MRPS27: variants seen among roughly 807,000 people sequenced by gnomAD.
MRPS27 encodes small ribosomal subunit protein mS27.
Under a neutral mutation model 48.9 loss-of-function variants are expected in MRPS27, and 43 were observed. The ratio of observed to expected loss-of-function variants is 0.88; its 90% confidence interval spans 0.69 to 1.13. The LOEUF (loss-of-function observed/expected upper bound fraction) is 1.13, where lower values mean the gene tolerates loss of function less well. Ranked by LOEUF, MRPS27 falls within the 50% of genes most tolerant of loss-of-function variation. MRPS27 has a pLI of 0.00. For synonymous variants in MRPS27, 188 were observed against 171.9 expected (o/e 1.09, Z -0.73); for missense variants, 467 against 476.3 (o/e 0.98, Z 0.18).
chr5:72,236,631 T>C (rs1436541466), intron 5 of MRPS27, among the ~76,000 whole-genome samples: 2 of 152,144 alleles, frequency 1.3e-5, no homozygotes, highest in Non-Finnish European at 2.9e-5. Flanking sequence ...TTGATTGGAC[T>C]TATCCAGGGA....
chr5:72,292,787 AAG>A (rs1267263661), intron 4 of MRPS27, among the ~76,000 whole-genome samples: 1 of 152,238 alleles, frequency 6.6e-6, no homozygotes, highest in Non-Finnish European at 1.5e-5. Flanking sequence ...ATGTCAGAGA[AAG>A]AGGTGAACCA....
In MRPS27 at chr5:72,228,268, A is replaced by G. The variant is rs745760006; in HGVS notation, c.692T>C (p.Leu231Pro). 25 of 1,609,120 alleles carry G rather than the reference A, an allele frequency of 1.6e-5. No individual in the cohort carries two copies. Among genetic ancestry groups the G allele is most frequent in the Non-Finnish European group, 2.1e-5 (25 of 1,175,524 alleles). The part of the protein sequence containing the change: ...FSSQLYGYAL[L>P]GKVELQQGLR... ...TTTGTAAGGATCATTTAGCTTACCA[A>G]GAAGTGCATAGCCATACAACTGGGA... Residue 231 changes from leucine to proline, a missense_variant and splice_region_variant, in exon 8 of 11, where the codon CTT (leucine) becomes CCT (proline). By Grantham distance (98) the Leu-to-Pro change is moderately conservative. Coordinates refer to ENST00000261413, the MANE Select transcript of MRPS27 (RefSeq NM_015084.3).
intron 3 of MRPS27, among the ~76,000 whole-genome samples, chr5:72,296,760 T>C (rs1561359413): frequency 6.6e-6 from 1 of 152,248 alleles, no homozygotes. Flanking sequence ...GGTAATTTCT[T>C]TCCTCTCTCT....
chr5:72,260,749 A>G (rs1032661046), intron 4 of MRPS27, among the ~76,000 whole-genome samples: 5 of 152,258 alleles, frequency 3.3e-5, no homozygotes, highest in Non-Finnish European at 7.3e-5. Flanking sequence ...TCAAAATGTC[A>G]CAAGTAATTA....
intron 5 of MRPS27, among the ~76,000 whole-genome samples, chr5:72,236,580 G>A (rs562771424): frequency 2.7e-4 from 41 of 152,168 alleles, no homozygotes; most frequent in African/African-American, 9.9e-4. Context: ...TCCTTCCTCT[G>A]GGCCTTCCAT....
intron 4 of MRPS27, among the ~76,000 whole-genome samples, chr5:72,278,548 C>T (rs191223983): frequency 1.1e-3 from 165 of 151,990 alleles, no homozygotes; most frequent in African/African-American, 3.5e-3. Context: ...TGTATATTTC[C>T]GGATCCTACT....
chr5:72,265,040 C>T (rs180889071), intron 4 of MRPS27, among the ~76,000 whole-genome samples: 35 of 152,248 alleles, frequency 2.3e-4, no homozygotes, highest in South Asian at 1.9e-3. Context: ...TCTAACCTTG[C>T]GGCTTAAGGC....
intron 4 of MRPS27, among the ~76,000 whole-genome samples, chr5:72,290,901 C>T (rs1047729632): frequency 1.3e-5 from 2 of 152,166 alleles, no homozygotes; most frequent in Admixed American, 1.3e-4. Flanking sequence ...CTCTTTTCTG[C>T]GTCACAGAAC....
intron 2 of MRPS27, 130 bp from the exon 3 acceptor site, chr5:72,297,832 T>A: frequency 4.5e-6 from 2 of 445,392 alleles, no homozygotes; most frequent in East Asian, 3.7e-5. Flanking sequence ...TATTTTTATA[T>A]AAATTAAAGA....
chr5:72,264,768 C>T (rs904329168), intron 4 of MRPS27, among the ~76,000 whole-genome samples: 3 of 152,180 alleles, frequency 2.0e-5, no homozygotes, highest in Admixed American at 6.5e-5. Context: ...GTACAGCCTT[C>T]AGGGAAAGGA....
intron 4 of MRPS27, among the ~76,000 whole-genome samples, chr5:72,259,468 C>CAA (rs11286212): frequency 0.036 from 4,579 of 127,728 alleles, 94 homozygotes; most frequent in South Asian, 0.056. Flanking sequence ...AACTTCGTCT[C>CAA]AAAAAAAAAA....
chr5:72,295,689 C>A, intron 3 of MRPS27, 100 bp from the exon 4 acceptor site: 1 of 842,780 alleles, frequency 1.2e-6, no homozygotes, highest in Non-Finnish European at 2.0e-6. Context: ...CACAGGACAC[C>A]CATTTTATTG....
At position 72,223,671 on chromosome 5, in the gene MRPS27, GCTAT is replaced by G. The variant is rs748380106; in HGVS notation, c.1005+8_1005+11del. 5.6e-6 allele frequency: 9 copies of G among 1,613,870 alleles called. No homozygotes were observed. Among genetic ancestry groups the G allele is most frequent in the Non-Finnish European group, 7.6e-6 (9 of 1,179,814 alleles). ...TGCGCTGCTAAGAGAGACACGTTCT[GCTAT>G]GATTCACCTTAAATCGTTCCAGGTA... On this transcript the variant is annotated splice_region_variant and intron_variant, in intron 10 of 10. Transcript: ENST00000261413.
At chr5:72,271,739 C>T (rs1471209049) in intron 4 of MRPS27, among the ~76,000 whole-genome samples, 6 of 152,028 alleles carry the variant, frequency 3.9e-5, no homozygotes, top group South Asian at 2.1e-4. Context: ...GGGCAAAATC[C>T]GTAAAGTTCA....
At chr5:72,243,797 T>A (rs1748429605) in intron 4 of MRPS27, among the ~76,000 whole-genome samples, 1 of 152,156 alleles carries the variant, frequency 6.6e-6, no homozygotes, top group Admixed American at 6.6e-5. Flanking sequence ...AAAATTAAAG[T>A]CAAGTTTACA....
rs757795657 is a variant in MRPS27 at position 72,320,177 on chromosome 5, T to TTGCCGCGCCAGGAGCA, written c.29_44dup (p.Gln15HisfsTer17). 2.0e-5 allele frequency: 32 copies of TTGCCGCGCCAGGAGCA among 1,613,838 alleles called. No individual in the cohort carries two copies. Among genetic ancestry groups the TTGCCGCGCCAGGAGCA allele is most frequent in the South Asian group, 3.3e-5 (3 of 91,082 alleles). ...CAGGAGAGAGCTGAGGAAGAACCAC[T>TTGCCGCGCCAGGAGCA]TGCCGCGCCAGGAGCATCCCGCGCC... On this transcript the variant is annotated frameshift_variant, in exon 1 of 11. Transcript: ENST00000261413. LOFTEE classifies it high-confidence loss of function.
intron 1 of MRPS27, among the ~76,000 whole-genome samples, chr5:72,319,108 G>A (rs1259134085): frequency 2.6e-5 from 4 of 151,058 alleles, no homozygotes; most frequent in Admixed American, 1.3e-4. Context: ...GAAGATAAGC[G>A]GCAATGGAAA....
At chr5:72,289,813 A>T (rs1292090824) in intron 4 of MRPS27, among the ~76,000 whole-genome samples, 1 of 152,222 alleles carries the variant, frequency 6.6e-6, no homozygotes, top group Non-Finnish European at 1.5e-5. Flanking sequence ...TTGCAGATCA[A>T]ATTATCAGTT....
chr5:72,290,841 T>C (rs747264229), intron 4 of MRPS27, among the ~76,000 whole-genome samples: 1 of 152,230 alleles, frequency 6.6e-6, no homozygotes, highest in East Asian at 1.9e-4. Context: ...TTATGCCCAC[T>C]GAACAGACAT....
Sources: gnomAD v4.1 joint callset for allele counts (sites outside exome capture counted in the v4.1 genomes callset) on GRCh38, gnomAD v4.1.1 for gene constraint, MANE v1.5 for transcripts, NCBI Gene and HGNC (gene_info 2026-07-23, HGNC 2026-07-21) for gene names.